ACTG1: variants seen among roughly 807,000 people sequenced by gnomAD.
ACTG1 encodes the protein actin, cytoplasmic 2.
ACTG1 carries 14 observed loss-of-function variants against 34.3 expected under a neutral mutation model. The observed-to-expected ratio is 0.41, with a 90% CI of 0.27 to 0.64. ACTG1 has a LOEUF of 0.64. Ranked by LOEUF, ACTG1 falls within the 30% of genes least tolerant of loss-of-function variation. ACTG1 has a pLI of 0.33. For synonymous variants in ACTG1, 422 were observed against 213.9 expected (o/e 1.97, Z -8.49); for missense variants, 233 against 529.5 (o/e 0.44, Z 5.50).
Position 81,510,920 on chromosome 17 carries a change from G to A in ACTG1, c.984+7C>T, listed in dbSNP as rs369691985. 6.2e-5 allele frequency: 100 copies of A among 1,613,820 alleles called. No homozygotes were observed. In the Middle Eastern group the frequency reaches 2.0e-3, roughly 32 times the overall value. On this transcript the variant is annotated splice_region_variant and intron_variant, in intron 5 of 5. Coordinates refer to ENST00000573283, the MANE Select transcript of ACTG1 (RefSeq NM_001614.5). ...CCAGGCAGAGGGCCACCAACCCCTCGACTCACCTTGATCTTCATGGTGCTG... is the reference window on the plus strand; with the variant it reads ...CCAGGCAGAGGGCCACCAACCCCTCAACTCACCTTGATCTTCATGGTGCTG...
At chr17:81,512,633 G>A (rs1034030279) in intron 1 of ACTG1, 101 bp downstream of exon 1, 2 of 502,442 alleles carry the variant, frequency 4.0e-6, no homozygotes, top group Admixed American at 3.3e-5. Flanking sequence ...TTGTTCCCGG[G>A]GAAGGCGCGA....
intron 1 of ACTG1, 73 bp from the exon 2 acceptor site, chr17:81,512,433 T>G: frequency 6.2e-7 from 1 of 1,610,988 alleles, no homozygotes; most frequent in Non-Finnish European, 8.5e-7. Flanking sequence ...CCTAATGCCC[T>G]CCCGCGGGGA....
In ACTG1 at chr17:81,510,109, A is replaced by T. The variant is rs782770914; in HGVS notation, c.*581T>A. On this transcript the variant is annotated 3_prime_UTR_variant, in exon 6 of 6. Coordinates refer to ENST00000573283, the MANE Select transcript of ACTG1 (RefSeq NM_001614.5). The stretch of plus-strand genomic sequence containing the variant: ...GAATTGCGTACAAAAAAAACCTTAC[A>T]TAAATTAAGAATGAATACATTTACA... The T allele has an allele frequency of 4.3e-6, 2 of 466,618 alleles. No individual in the cohort carries two copies. Among genetic ancestry groups the T allele is most frequent in the Non-Finnish European group, 8.4e-6 (2 of 238,618 alleles). The allele number at this position is 466,618 out of a possible 1,614,324, so 28.9% of individuals were successfully genotyped here. A position where few individuals can be genotyped will look rare whatever the true frequency, so the allele number is the denominator to read the frequency against.
chr17:81,510,190 G>A lies in ACTG1; in HGVS notation c.*500C>T, dbSNP rs117115846. On this transcript the variant is annotated 3_prime_UTR_variant, in exon 6 of 6. Transcript: ENST00000573283. ...GCAAGTAACAGCCCACGGTGTTCTG[G>A]CCAAAGACATCAGCTAAGAAAGGAA... The A allele has an allele frequency of 3.1e-4, 158 of 517,490 alleles. 1 individual carries two copies. In the East Asian group the frequency reaches 9.8e-3, roughly 32 times the overall value. 32.1% of individuals were successfully genotyped at this position (517,490 alleles called of 1,614,324 possible). A position where few individuals can be genotyped will look rare whatever the true frequency, so the allele number is the denominator to read the frequency against.
Position 81,512,159 on chromosome 17 carries a change from G to A in ACTG1, c.124-17C>T, listed in dbSNP as rs374327916. 67 of 1,613,092 alleles carry A rather than the reference G, an allele frequency of 4.2e-5. No individual in the cohort carries two copies. The highest frequency in any genetic ancestry group is 8.0e-5 in the African/African-American group (6 of 74,844). On this transcript the variant is annotated splice_polypyrimidine_tract_variant and intron_variant, in intron 2 of 5. Coordinates refer to ENST00000573283, the MANE Select transcript of ACTG1 (RefSeq NM_001614.5). ...CATGACGCCCTGCAGGGGACGACCCGTCAGCCTCGCCGGCGACACCGAACC... is the reference window on the plus strand; with the variant it reads ...CATGACGCCCTGCAGGGGACGACCCATCAGCCTCGCCGGCGACACCGAACC...
Position 81,510,908 on chromosome 17 carries a change from C to CA in ACTG1, c.984+18dup. 6.2e-7 allele frequency: 1 copy of CA among 1,613,912 alleles called. No homozygotes were observed. The highest frequency in any genetic ancestry group is 8.5e-7 in the Non-Finnish European group (1 of 1,179,962). On this transcript the variant is annotated intron_variant, in intron 5 of 5. Coordinates refer to ENST00000573283, the MANE Select transcript of ACTG1 (RefSeq NM_001614.5). ...AGCTCTCCCGAGCCAGGCAGAGGGCCACCAACCCCTCGACTCACCTTGATC... is the reference window on the plus strand; with the variant it reads ...AGCTCTCCCGAGCCAGGCAGAGGGCCAACCAACCCCTCGACTCACCTTGATC...
Position 81,511,901 on chromosome 17 carries a change from A to G in ACTG1, c.363+2T>C. 1 of 1,614,106 alleles carries G rather than the reference A, an allele frequency of 6.2e-7. No individual in the cohort carries two copies. ...GGAGCACGGGCGTCGGCCGAGCCTC[A>G]CCTGAGTCATCTTCTCTCTGTTGGC... On this transcript the variant is annotated splice_donor_variant, in intron 3 of 5. Coordinates refer to ENST00000573283, the MANE Select transcript of ACTG1 (RefSeq NM_001614.5). LOFTEE classifies it high-confidence loss of function.
rs1555666057 is a variant in ACTG1, at chr17:81,510,204, C to G, written c.*486G>C. 7.5e-6 allele frequency: 4 copies of G among 532,688 alleles called. No homozygotes were observed. Among genetic ancestry groups the G allele is most frequent in the Non-Finnish European group, 1.3e-5 (4 of 298,924 alleles). 33.0% of individuals were successfully genotyped at this position (532,688 alleles called of 1,614,324 possible). A position where few individuals can be genotyped will look rare whatever the true frequency, so the allele number is the denominator to read the frequency against. On this transcript the variant is annotated 3_prime_UTR_variant, in exon 6 of 6. Transcript: ENST00000573283. Reference sequence around the variant, plus strand: ...ACGGTGTTCTGGCCAAAGACATCAGCTAAGAAAGGAAACTGGGTCCTACGG... The same window carrying G: ...ACGGTGTTCTGGCCAAAGACATCAGGTAAGAAAGGAAACTGGGTCCTACGG...
At position 81,511,754 on chromosome 17, in the gene ACTG1, A is replaced by C. The variant is rs1555666904; in HGVS notation, c.364-128T>G. Reference sequence around the variant, plus strand: ...AGAAAAGAACGCAGGCAGAAACCAAATGAGAAACCTGGAGGCTTCAGGGAG... The same window carrying C: ...AGAAAAGAACGCAGGCAGAAACCAACTGAGAAACCTGGAGGCTTCAGGGAG... On this transcript the variant is annotated intron_variant, in intron 3 of 5. Coordinates refer to ENST00000573283, the MANE Select transcript of ACTG1 (RefSeq NM_001614.5). 2.0e-6 allele frequency: 3 copies of C among 1,525,544 alleles called. No homozygotes were observed. The African/African-American group carries it at 4.2e-5, about 21-fold the overall frequency. 94.5% of individuals were successfully genotyped at this position (1,525,544 alleles called of 1,614,324 possible). A position where few individuals can be genotyped will look rare whatever the true frequency, so the allele number is the denominator to read the frequency against.
chr17:81,510,288 C>T lies in ACTG1; in HGVS notation c.*402G>A. The T allele has an allele frequency of 2.1e-6, 1 of 486,534 alleles. No individual in the cohort carries two copies. Among genetic ancestry groups the T allele is most frequent in the South Asian group, 1.6e-5 (1 of 61,848 alleles). The allele number at this position is 486,534 out of a possible 1,614,324, so 30.1% of individuals were successfully genotyped here. A position where few individuals can be genotyped will look rare whatever the true frequency, so the allele number is the denominator to read the frequency against. On this transcript the variant is annotated 3_prime_UTR_variant, in exon 6 of 6. Coordinates refer to ENST00000573283, the MANE Select transcript of ACTG1 (RefSeq NM_001614.5). ...CAAAACAACTGGTTCTTGCCAGCCT[C>T]TAGAGAAATCCCAGAACACTCAGCC...
chr17:81,511,826 T>G, intron 3 of ACTG1, 77 bp downstream of exon 3: 9 of 1,606,736 alleles, frequency 5.6e-6, no homozygotes, highest in Non-Finnish European at 7.7e-6. Context: ...AAGAAACACT[T>G]AAATGTCAGA....
chr17:81,511,765 G>A, intron 3 of ACTG1, 138 bp downstream of exon 3: 1 of 1,535,252 alleles, frequency 6.5e-7, no homozygotes, highest in Non-Finnish European at 8.9e-7. Context: ...TGAGAAACCT[G>A]GAGGCTTCAG....
In ACTG1 at chr17:81,510,439, G is replaced by C. The variant is rs1448535571; in HGVS notation, c.*251C>G. 7 of 627,130 alleles carry C rather than the reference G, an allele frequency of 1.1e-5. No individual in the cohort carries two copies. In the Admixed American group the frequency reaches 1.3e-4, roughly 12 times the overall value. The allele number at this position is 627,130 out of a possible 1,614,324, so 38.8% of individuals were successfully genotyped here. On this transcript the variant is annotated 3_prime_UTR_variant, in exon 6 of 6. Coordinates refer to ENST00000573283, the MANE Select transcript of ACTG1 (RefSeq NM_001614.5). ...AAGTGACCAAGCCACACGTACTAAA[G>C]GTTGAACTCAAAGATATGTACAGGG...
At position 81,511,505 on chromosome 17, in the gene ACTG1, G is replaced by C; in HGVS notation, c.485C>G (p.Thr162Arg). Residue 162 changes from threonine (T) to arginine (R), a missense_variant, in exon 4 of 6, where the codon ACG becomes AGG. Coordinates refer to ENST00000573283, the MANE Select transcript of ACTG1 (RefSeq NM_001614.5). ...VMDSGDGVTH[T>R]VPIYEGYALP... ...GGCGTAGCCCTCGTAGATGGGCACC[G>C]TGTGGGTGACCCCGTCTCCAGAGTC... is the stretch of plus-strand genomic sequence containing the variant. The C allele has an allele frequency of 1.2e-6, 2 of 1,613,868 alleles. No homozygotes were observed. The highest frequency in any genetic ancestry group is 1.7e-6 in the Non-Finnish European group (2 of 1,180,040).
Position 81,511,375 on chromosome 17 carries a change from C to T in ACTG1, c.615G>A (p.Glu205=). The T allele has an allele frequency of 1.2e-6, 2 of 1,613,966 alleles. No individual in the cohort carries two copies. Among genetic ancestry groups the T allele is most frequent in the East Asian group, 2.2e-5 (1 of 44,874 alleles). Reference sequence around the variant, plus strand: ...CCTTGATGTCGCGCACGATTTCCCGCTCGGCCGTGGTGGTGAAGCTGTAGC... The same window carrying T: ...CCTTGATGTCGCGCACGATTTCCCGTTCGGCCGTGGTGGTGAAGCTGTAGC... ...ERGYSFTTTA[E]REIVRDIKEK... The change falls in exon 4 of 6, where the codon GAG becomes GAA. Residue 205 remains glutamate, a synonymous_variant. Coordinates refer to ENST00000573283, the MANE Select transcript of ACTG1 (RefSeq NM_001614.5).
In ACTG1 at chr17:81,511,429, G is replaced by A. The variant is rs782649322; in HGVS notation, c.561C>T (p.Asp187=). 29 of 1,613,814 alleles carry A rather than the reference G, an allele frequency of 1.8e-5. No individual in the cohort carries two copies. In the Admixed American group the frequency reaches 4.7e-4, roughly 26 times the overall value. The change falls in exon 4 of 6, where the codon GAC becomes GAT. Residue 187 remains aspartate, a synonymous_variant. Transcript: ENST00000573283. Reference sequence around the variant, plus strand: ...GCTCAGTGAGGATCTTCATGAGGTAGTCGGTCAGGTCCCGGCCAGCCAGGT... The same window carrying A: ...GCTCAGTGAGGATCTTCATGAGGTAATCGGTCAGGTCCCGGCCAGCCAGGT... ...RLDLAGRDLT[D]YLMKILTERG...
chr17:81,512,672 A>AGCCGGGGTCG (rs1286185282), intron 1 of ACTG1, 62 bp downstream of exon 1: 1 of 409,882 alleles, frequency 2.4e-6, no homozygotes, highest in Admixed American at 3.8e-5. Flanking sequence ...AAGCGGGGCC[A>AGCCGGGGTCG]GCCGGGGTCG....
Position 81,511,101 on chromosome 17 carries a change from T to C in ACTG1, c.810A>G (p.Glu270=), listed in dbSNP as rs781896985. The C allele has an allele frequency of 1.7e-5, 28 of 1,613,834 alleles. No individual in the cohort carries two copies. In the East Asian group the frequency reaches 5.8e-4, roughly 33 times the overall value. Residue 270 remains glutamate (E), a synonymous_variant, in exon 5 of 6, where the codon GAA becomes GAG. Transcript: ENST00000573283. ...AGGTGGTCTCGTGGATGCCGCAAGATTCCATACCTAGGGGACAGAGCCCTC... is the reference window on the plus strand; with the variant it reads ...AGGTGGTCTCGTGGATGCCGCAAGACTCCATACCTAGGGGACAGAGCCCTC... ...ALFQPSFLGM[E]SCGIHETTFN...
In ACTG1 at chr17:81,511,617, C is replaced by G; in HGVS notation, c.373G>C (p.Glu125Gln). The G allele has an allele frequency of 6.2e-7, 1 of 1,613,284 alleles. No homozygotes were observed. Among genetic ancestry groups the G allele is most frequent in the South Asian group, 1.1e-5 (1 of 91,056 alleles). Residue 125 changes from glutamate to glutamine, a missense_variant, in exon 4 of 6, where the codon GAG (glutamate) becomes CAG (glutamine). Physicochemically the swap from Glu to Gln is conservative, Grantham distance 29. Coordinates refer to ENST00000573283, the MANE Select transcript of ACTG1 (RefSeq NM_001614.5). ...NREKMTQIMF[E>Q]TFNTPAMYVA... ...TACATGGCCGGGGTGTTGAAGGTCT[C>G]AAACATAATCTGAGAAGGGACAAGG...
Sources: gnomAD v4.1 joint callset for allele counts on GRCh38, gnomAD v4.1.1 for gene constraint, MANE v1.5 for transcripts, NCBI Gene and HGNC (gene_info 2026-07-23, HGNC 2026-07-21) for gene names.